The following MAP2K5 variants were observed in gnomAD, a reference collection of about 807,000 sequenced individuals.
MAP2K5 encodes dual specificity mitogen-activated protein kinase kinase 5.
MAP2K5 carries 49 observed loss-of-function variants against 83.1 expected under a neutral mutation model. The observed-to-expected ratio is 0.59, with a 90% confidence interval of 0.47 to 0.75. The LOEUF is 0.75. Among genes scored for constraint, MAP2K5 ranks in the 30% least tolerant of loss-of-function variants. MAP2K5 has a pLI of 0.00. For missense variants in MAP2K5, 457 were observed against 557.5 expected (o/e 0.82, Z 1.82); for synonymous variants, 202 against 191.8 (o/e 1.05, Z -0.44).
At chr15:67,578,787 C>G (rs2085117031) in intron 3 of MAP2K5, among the ~76,000 whole-genome samples, 1 of 151,934 alleles carries the variant, frequency 6.6e-6, no homozygotes, top group South Asian at 2.1e-4. Flanking sequence ...ATAAATAAAG[C>G]TGGAAAACAG....
intron 17 of MAP2K5, among the ~76,000 whole-genome samples, chr15:67,739,506 A>T (rs2089444298): frequency 3.4e-5 from 3 of 87,938 alleles, no homozygotes; most frequent in South Asian, 4.8e-4. Flanking sequence ...TTTGAGATGG[A>T]GTCTCACTCT....
rs886527196 is a variant in MAP2K5, at chr15:67,644,253, G to A, written c.586-1978G>A. Among the ~76,000 whole-genome samples the A allele has an allele frequency of 2.0e-5, 3 of 152,150 alleles. No homozygotes were observed. Among genetic ancestry groups the A allele is most frequent in the South Asian group, 4.1e-4 (2 of 4,828 alleles). ...CGCTAAAAATAGAAAAATCAACCGG[G>A]TGTGGTGGCAGGTGCCTGTAATCCC... On this transcript the variant is annotated intron_variant, in intron 9 of 21. Transcript: ENST00000178640. This position sits in a 1 kb window ranked among gnomAD's most constrained non-coding sequence, Gnocchi z 4.6.
At chr15:67,546,141 G>A (rs2084384530) in intron 1 of MAP2K5, 1 of 152,238 alleles carries the variant, frequency 6.6e-6, no homozygotes, top group Non-Finnish European at 1.5e-5. Context: ...AAATGTTCAA[G>A]CCCAGATCAT....
chr15:67,674,215 C>T (rs926109234), intron 13 of MAP2K5, among the ~76,000 whole-genome samples: 9 of 152,094 alleles, frequency 5.9e-5, no homozygotes, highest in African/African-American at 2.2e-4. Context: ...GAGTCATTCC[C>T]AGTAGGTTTT....
At chr15:67,582,854 AC>A in intron 4 of MAP2K5, among the ~76,000 whole-genome samples, 1 of 144,688 alleles carries the variant, frequency 6.9e-6, no homozygotes, top group African/African-American at 2.6e-5. Flanking sequence ...ACACACACAC[AC>A]TTCCAATGTT....
chr15:67,601,165 T>C (rs1022335958), intron 8 of MAP2K5, among the ~76,000 whole-genome samples: 1 of 152,190 alleles, frequency 6.6e-6, no homozygotes, highest in Non-Finnish European at 1.5e-5. Flanking sequence ...GTGTCAACAC[T>C]ATAAGTTATT....
chr15:67,765,363 A>AAT (rs2090022120), intron 19 of MAP2K5, among the ~76,000 whole-genome samples: 1 of 151,920 alleles, frequency 6.6e-6, no homozygotes, highest in African/African-American at 2.4e-5. Context: ...ATCTAATAAA[A>AAT]TTTTTTTAAA....
At chr15:67,566,168 T>C (rs2084833830) in intron 3 of MAP2K5, among the ~76,000 whole-genome samples, 1 of 152,150 alleles carries the variant, frequency 6.6e-6, no homozygotes, top group South Asian at 2.1e-4. Context: ...TTTTTTTCTT[T>C]TGTTTTTGGT....
chr15:67,603,864 A>C (rs2085720657), intron 8 of MAP2K5, among the ~76,000 whole-genome samples: 1 of 152,256 alleles, frequency 6.6e-6, no homozygotes. Flanking sequence ...CATAAACTAG[A>C]TGAAGAAAAT....
At chr15:67,615,568 A>G (rs2086037332) in intron 8 of MAP2K5, among the ~76,000 whole-genome samples, 3 of 152,220 alleles carry the variant, frequency 2.0e-5, no homozygotes, top group South Asian at 4.1e-4. Flanking sequence ...AGTATGTGAC[A>G]GAATACTAAA....
intron 3 of MAP2K5, among the ~76,000 whole-genome samples, chr15:67,579,092 G>C (rs2085124704): frequency 1.3e-5 from 2 of 152,276 alleles, no homozygotes; most frequent in Admixed American, 6.5e-5. Flanking sequence ...GTACAAAAAG[G>C]CAGTAATTTT....
Position 67,760,515 on chromosome 15 carries a change from CT to C in MAP2K5, c.1135-9081del, listed in dbSNP as rs1327702091. Among the ~76,000 whole-genome samples, 2 of 152,124 alleles carry C rather than the reference CT, an allele frequency of 1.3e-5. No homozygotes were observed. The highest frequency in any genetic ancestry group is 2.9e-5 in the Non-Finnish European group (2 of 68,016). On this transcript the variant is annotated intron_variant, in intron 19 of 21. Coordinates refer to ENST00000178640, the MANE Select transcript of MAP2K5 (RefSeq NM_145160.3). This position sits in a 1 kb window ranked among gnomAD's most constrained non-coding sequence, Gnocchi z 4.1. ...AGCCAATAGACCTTATCCATTTCTT[CT>C]TTTTTACTAACCAAAATATTAACAT...
chr15:67,547,259 A>C (rs1215547816), intron 1 of MAP2K5, among the ~76,000 whole-genome samples: 1 of 152,082 alleles, frequency 6.6e-6, no homozygotes, highest in African/African-American at 2.4e-5. Flanking sequence ...TAACCAGTTT[A>C]TAATCTTCCT....
At chr15:67,660,630 GA>G (rs1446901842) in intron 12 of MAP2K5, among the ~76,000 whole-genome samples, 1 of 152,080 alleles carries the variant, frequency 6.6e-6, no homozygotes, top group Non-Finnish European at 1.5e-5. Flanking sequence ...GGTGTATATT[GA>G]ATACTTCCTG....
At chr15:67,575,957 T>C (rs564090270) in intron 3 of MAP2K5, among the ~76,000 whole-genome samples, 29 of 142,964 alleles carry the variant, frequency 2.0e-4, no homozygotes, top group African/African-American at 7.5e-4. Context: ...TCTTGCTGTG[T>C]CGCCCAGGCT....
intron 8 of MAP2K5, among the ~76,000 whole-genome samples, chr15:67,607,463 C>T (rs1208880473): frequency 6.6e-6 from 1 of 152,150 alleles, no homozygotes; most frequent in African/African-American, 2.4e-5. Flanking sequence ...TGCTTTTCCC[C>T]ACCTCTCCAT....
intron 8 of MAP2K5, among the ~76,000 whole-genome samples, chr15:67,602,799 G>A (rs370157442): frequency 3.9e-5 from 6 of 152,142 alleles, no homozygotes; most frequent in South Asian, 2.1e-4. Context: ...GATTACAGGC[G>A]TACGCCACCA....
chr15:67,543,273 C>A lies in MAP2K5; in HGVS notation c.-63C>A. The A allele has an allele frequency of 1.3e-6, 2 of 1,583,056 alleles. No homozygotes were observed. Among genetic ancestry groups the A allele is most frequent in the South Asian group, 1.1e-5 (1 of 89,248 alleles). On this transcript the variant is annotated 5_prime_UTR_variant, in exon 1 of 22. Transcript: ENST00000178640. This position sits in a 1 kb window ranked among gnomAD's most constrained non-coding sequence, Gnocchi z 4.3. ...CACTCCCCTTGTCACCTCTTGGAGC[C>A]CCCTCCTAACCAGCGGCCAGTGGGT...
chr15:67,606,668 G>T (rs1423933622), intron 8 of MAP2K5, among the ~76,000 whole-genome samples: 2 of 152,120 alleles, frequency 1.3e-5, no homozygotes, highest in African/African-American at 4.8e-5. Flanking sequence ...CTTGTGATTT[G>T]ACTGTAGAGG....
Sources: allele counts gnomAD v4.1 joint callset (sites outside exome capture counted in the v4.1 genomes callset), GRCh38; gene constraint gnomAD v4.1.1; non-coding constraint Gnocchi (gnomAD v3.1); transcripts MANE v1.5; gene names NCBI Gene and HGNC (gene_info 2026-07-23, HGNC 2026-07-21).